Variants in ANK1 observed in about 807,000 individuals in gnomAD.
ANK1 encodes ankyrin-1.
Under a neutral mutation model 210.4 loss-of-function variants are expected in ANK1, and 51 were observed. That is an observed-to-expected ratio of 0.24 (90% CI 0.19 to 0.31). ANK1 has a LOEUF of 0.31. Ranked by LOEUF, ANK1 falls within the 10% of genes least tolerant of loss-of-function variation. The probability of loss-of-function intolerance (pLI) is 1.00; values close to 1 mark genes in which losing one functional copy is unlikely to be tolerated. For missense variants in ANK1, 2,051 were observed against 2,504.4 expected, an observed-to-expected ratio of 0.82 and a Z score of 3.86; for synonymous variants, 967 against 1,025.9, an observed-to-expected ratio of 0.94 and a Z score of 1.10.
Position 41,663,666 on chromosome 8 carries a change from G to A in ANK1, c.5471C>T (p.Thr1824Ile). Residue 1824 changes from threonine to isoleucine, a missense_variant, in exon 40 of 43, where the codon ACC becomes ATC. Around this residue, in one of 6 missense-constraint regions of ANK1, gnomAD observed 496 missense variants for 533.4 expected, o/e 0.93. Coordinates refer to ENST00000289734, the MANE Select transcript of ANK1 (RefSeq NM_000037.4). Reference protein sequence around the residue: ...QFTDEQGNIVTKKIIRKVVRQ... With the variant: ...QFTDEQGNIVIKKIIRKVVRQ... The stretch of plus-strand genomic sequence containing the variant: ...GGAACACTCTGCACCCACCTTCTTG[G>A]TGACAATGTTGCCCTGCTCATCCGT... 1 of 1,613,812 alleles carries A rather than the reference G, an allele frequency of 6.2e-7. No individual in the cohort carries two copies. Among genetic ancestry groups the A allele is most frequent in the South Asian group, 1.1e-5 (1 of 91,066 alleles).
At chr8:41,708,153 T>C (rs897863898) in intron 17 of ANK1, among the ~76,000 whole-genome samples, 4 of 152,190 alleles carry the variant, frequency 2.6e-5, no homozygotes, top group African/African-American at 9.7e-5. Context: ...TTTGAAAGGG[T>C]GACTTCTAGG....
intron 41 of ANK1, 56 bp downstream of exon 41, chr8:41,661,820 T>C (rs1239537504): frequency 6.2e-7 from 1 of 1,613,938 alleles, no homozygotes; most frequent in African/African-American, 1.3e-5. Context: ...TTTCATAAAG[T>C]AATCAATATC....
In ANK1 at chr8:41,692,859, C is replaced by T. The variant is rs748180282; in HGVS notation, c.3647G>A (p.Cys1216Tyr). The T allele has an allele frequency of 6.2e-7, 1 of 1,613,982 alleles. No homozygotes were observed. The highest frequency in any genetic ancestry group is 1.7e-5 in the Admixed American group (1 of 60,022). ...GTTCACAGCCTCAGCAGTCCGAGGA[C>T]AGTCCGACAGCCAAAACCTAAAAAG... ...NVSARFWLSD[C>Y]PRTAEAVNFA... Residue 1216 changes from cysteine to tyrosine, a missense_variant, in exon 31 of 43, where the codon TGT becomes TAT. By Grantham distance (194) the Cys-to-Tyr change is radical (BLOSUM62 -2). Around this residue, in one of 6 missense-constraint regions of ANK1, gnomAD observed 1,413 missense variants for 1,707.4 expected, o/e 0.83. Transcript: ENST00000289734.
chr8:41,773,242 G>C lies in ANK1; in HGVS notation c.28-15105C>G, dbSNP rs188901269. On this transcript the variant is annotated intron_variant, in intron 1 of 42. Coordinates refer to ENST00000289734, the MANE Select transcript of ANK1 (RefSeq NM_000037.4). ...TGGCAAGTGCGGGGGTCTATTTAGG[G>C]AGGTGATCAGAGCCCGGATCAGGCC... 3.9e-5 allele frequency among the ~76,000 whole-genome samples: 6 copies of C among 152,254 alleles called. No individual in the cohort carries two copies. In the East Asian group the frequency reaches 1.2e-3, roughly 29 times the overall value.
chr8:41,697,921 CA>C, intron 24 of ANK1, 121 bp downstream of exon 24: 1 of 910,132 alleles, frequency 1.1e-6, no homozygotes, highest in Non-Finnish European at 1.8e-6. Context: ...GCCAGTTGGA[CA>C]GTGAGTGGCA....
At chr8:41,768,419 A>G (rs920882253) in intron 1 of ANK1, among the ~76,000 whole-genome samples, 3 of 152,200 alleles carry the variant, frequency 2.0e-5, no homozygotes, top group Admixed American at 6.5e-5. Flanking sequence ...TTGGTGAGGA[A>G]CTAGCACGCT....
intron 1 of ANK1, among the ~76,000 whole-genome samples, chr8:41,823,719 A>T (rs1804865752): frequency 6.6e-6 from 1 of 151,870 alleles, no homozygotes; most frequent in Non-Finnish European, 1.5e-5. Flanking sequence ...AGCTACGATT[A>T]TGCCACTGTA....
Position 41,723,521 on chromosome 8 carries a change from C to A in ANK1, c.810+14G>T. The A allele has an allele frequency of 6.2e-7, 1 of 1,613,976 alleles. No homozygotes were observed. The highest frequency in any genetic ancestry group is 8.5e-7 in the Non-Finnish European group (1 of 1,179,940). ...CCCTCCCCCTGCCTGGCTACAGCACCTGCTGGCACCCACCTTGGTCTTGGT... is the reference window on the plus strand; with the variant it reads ...CCCTCCCCCTGCCTGGCTACAGCACATGCTGGCACCCACCTTGGTCTTGGT... On this transcript the variant is annotated intron_variant, in intron 8 of 42. Coordinates refer to ENST00000289734, the MANE Select transcript of ANK1 (RefSeq NM_000037.4).
chr8:41,883,330 C>A (rs1457700454), intron 1 of ANK1, among the ~76,000 whole-genome samples: 1 of 152,184 alleles, frequency 6.6e-6, no homozygotes, highest in Non-Finnish European at 1.5e-5. Context: ...TCCAGATTTC[C>A]CTTCAAGCTA....
At chr8:41,844,916 G>A (rs913219520) in intron 1 of ANK1, among the ~76,000 whole-genome samples, 1 of 152,112 alleles carries the variant, frequency 6.6e-6, no homozygotes, top group Non-Finnish European at 1.5e-5. Flanking sequence ...TCCTGTCCCC[G>A]GGATGCGCTT....
rs1185043434 is a variant in ANK1, at chr8:41,714,370, C to T, written c.1702-116G>A. ...CAGTAAAATCCTGTTTAAAATCTTT[C>T]CCAGGCCAGTCTTAACTTGGAGTCA... On this transcript the variant is annotated intron_variant, in intron 15 of 42. Transcript: ENST00000289734. 7.6e-6 allele frequency: 6 copies of T among 794,030 alleles called. No individual in the cohort carries two copies. In the African/African-American group the frequency reaches 1.0e-4, roughly 14 times the overall value. The allele number at this position is 794,030 out of a possible 1,614,324, so 49.2% of individuals were successfully genotyped here.
chr8:41,660,749 G>A lies in ANK1; in HGVS notation c.*36+681C>T, dbSNP rs996932939. ...ACGTCGTCCACCCCTTAGGCCTGTC[G>A]GCTCAGCCCTTTCCTAGAAAGCAAG... On this transcript the variant is annotated intron_variant, in intron 42 of 42. Coordinates refer to ENST00000289734, the MANE Select transcript of ANK1 (RefSeq NM_000037.4). Among the ~76,000 whole-genome samples the A allele has an allele frequency of 5.9e-5, 9 of 152,170 alleles. No individual in the cohort carries two copies. In the East Asian group the frequency reaches 9.7e-4, roughly 16 times the overall value.
intron 27 of ANK1, 143 bp downstream of exon 27, chr8:41,695,034 C>A: frequency 8.2e-7 from 1 of 1,213,478 alleles, no homozygotes; most frequent in South Asian, 1.2e-5. Flanking sequence ...ATCCTGGGGA[C>A]CCAGGGCTTG....
intron 1 of ANK1, among the ~76,000 whole-genome samples, chr8:41,767,748 A>C (rs1842170457): frequency 6.6e-6 from 1 of 151,876 alleles, no homozygotes; most frequent in Non-Finnish European, 1.5e-5. Flanking sequence ...TGCGGAGGGG[A>C]GGCACACACG....
chr8:41,838,125 A>G (rs1285409989), intron 1 of ANK1, among the ~76,000 whole-genome samples: 1 of 152,182 alleles, frequency 6.6e-6, no homozygotes, highest in Non-Finnish European at 1.5e-5. Flanking sequence ...TTTATTGAGC[A>G]TTTTACATGC....
rs913720175 is a variant in ANK1, at chr8:41,851,828, G to C, written c.126+44527C>G. Among the ~76,000 whole-genome samples, 53 of 152,308 alleles carry C rather than the reference G, an allele frequency of 3.5e-4. 1 individual carries two copies. The highest frequency in any genetic ancestry group is 1.1e-3 in the African/African-American group (44 of 41,568). On this transcript the variant is annotated intron_variant, in intron 1 of 42. Transcript: ENST00000265709. ...GCCATGATTGTATCACTGCACACCA[G>C]CTGGGTGACAGAGCCAGATCCTGTC...
At chr8:41,838,648 C>A (rs1168899553) in intron 1 of ANK1, among the ~76,000 whole-genome samples, 1 of 151,152 alleles carries the variant, frequency 6.6e-6, no homozygotes, top group African/African-American at 2.4e-5. Context: ...TGCCTGTAAT[C>A]CCAGCTACTC....
At chr8:41,874,400 G>T (rs539785175) in intron 1 of ANK1, among the ~76,000 whole-genome samples, 43 of 152,368 alleles carry the variant, frequency 2.8e-4, no homozygotes, top group Admixed American at 2.6e-4. Flanking sequence ...AAGGCAGTGA[G>T]TTGGGAGTGA....
At chr8:41,795,065 ACT>A (rs1304880523) in intron 1 of ANK1, among the ~76,000 whole-genome samples, 1 of 152,034 alleles carries the variant, frequency 6.6e-6, no homozygotes, top group East Asian at 1.9e-4. Flanking sequence ...TTTAGAAAAC[ACT>A]CTTATTTTCT....
Sources: allele counts gnomAD v4.1 joint callset (sites outside exome capture counted in the v4.1 genomes callset), GRCh38; gene constraint gnomAD v4.1.1; regional missense constraint gnomAD v4.1.1; transcripts MANE v1.5; gene names NCBI Gene and HGNC (gene_info 2026-07-23, HGNC 2026-07-21).